EPHB1: variants seen among roughly 807,000 people sequenced by gnomAD.
EPHB1 encodes ephrin type-B receptor 1.
Under a neutral mutation model 94.4 loss-of-function variants are expected in EPHB1, and 30 were observed. The ratio of observed to expected loss-of-function variants is 0.32; its 90% CI spans 0.24 to 0.43. The LOEUF (loss-of-function observed/expected upper bound fraction) is 0.43. EPHB1 is among the 20% of genes least tolerant of loss of function. The pLI, the probability that EPHB1 is intolerant of heterozygous loss-of-function variation, is 1.00. For synonymous variants in EPHB1, 522 were observed against 489.1 expected (o/e 1.07, Z -0.89); for missense variants, 1,055 against 1,308.3 (o/e 0.81, Z 2.99).
intron 10 of EPHB1, among the ~76,000 whole-genome samples, chr3:135,180,840 C>T (rs1056421199): frequency 6.6e-6 from 1 of 152,136 alleles, no homozygotes; most frequent in Non-Finnish European, 1.5e-5. Flanking sequence ...GTTTTATTTT[C>T]TTCTGCAACA....
At chr3:135,100,522 T>C (rs1938998031) in intron 3 of EPHB1, among the ~76,000 whole-genome samples, 1 of 152,222 alleles carries the variant, frequency 6.6e-6, no homozygotes, top group Non-Finnish European at 1.5e-5. Flanking sequence ...TCTTCCTGGC[T>C]GCTTGGAAAT....
At chr3:134,865,469 G>C (rs1235833908) in intron 1 of EPHB1, among the ~76,000 whole-genome samples, 2 of 152,016 alleles carry the variant, frequency 1.3e-5, no homozygotes, top group African/African-American at 2.4e-5. Flanking sequence ...CGTTGACCCT[G>C]ATGTTTCATT....
rs1943774283 is a variant in EPHB1 at position 135,241,191 on chromosome 3, C to A, written c.2390C>A (p.Ala797Asp). 6.2e-7 allele frequency: 1 copy of A among 1,614,064 alleles called. No homozygotes were observed. The highest frequency in any genetic ancestry group is 1.7e-5 in the Admixed American group (1 of 60,008). Residue 797 changes from alanine (A) to aspartate (D), a missense_variant, in exon 13 of 16, where the codon GCC becomes GAC. By Grantham distance (126) the Ala-to-Asp change is moderately radical. Coordinates refer to ENST00000398015, the MANE Select transcript of EPHB1 (RefSeq NM_004441.5). Reference sequence around the variant, plus strand: ...AGATGGACAGCTCCAGAGGCCATCGCCTACCGCAAGTTCACTTCAGCCAGC... The same window carrying A: ...AGATGGACAGCTCCAGAGGCCATCGACTACCGCAAGTTCACTTCAGCCAGC... ...PVRWTAPEAIAYRKFTSASDV... is the reference protein window; with the variant it reads ...PVRWTAPEAIDYRKFTSASDV...
chr3:135,173,755 TG>T (rs1479964869), intron 9 of EPHB1, among the ~76,000 whole-genome samples: 1 of 152,230 alleles, frequency 6.6e-6, no homozygotes, highest in African/African-American at 2.4e-5. Flanking sequence ...CTTCTGACTC[TG>T]TCTTCAGTCC....
At chr3:135,013,173 C>T (rs914245806) in intron 3 of EPHB1, among the ~76,000 whole-genome samples, 8 of 152,172 alleles carry the variant, frequency 5.3e-5, no homozygotes, top group African/African-American at 1.9e-4. Flanking sequence ...CACAGGAATG[C>T]AGTCACTTGC....
intron 5 of EPHB1, among the ~76,000 whole-genome samples, chr3:135,148,975 T>G (rs1047951935): frequency 6.6e-6 from 1 of 152,258 alleles, no homozygotes; most frequent in Admixed American, 6.5e-5. Flanking sequence ...CCTTGGAGTC[T>G]GATGACACTC....
intron 4 of EPHB1, among the ~76,000 whole-genome samples, chr3:135,126,366 G>A (rs532187669): frequency 9.9e-5 from 15 of 152,134 alleles, no homozygotes; most frequent in Non-Finnish European, 2.1e-4. Flanking sequence ...TTCACCTAAA[G>A]AGAGAAAGAA....
chr3:135,224,777 T>C (rs537167895), intron 12 of EPHB1, among the ~76,000 whole-genome samples: 1 of 152,366 alleles, frequency 6.6e-6, no homozygotes, highest in South Asian at 2.1e-4. Flanking sequence ...ATATTTTGGA[T>C]GGTAGTTCCA....
chr3:134,849,990 C>T (rs995323864), intron 1 of EPHB1, among the ~76,000 whole-genome samples: 1 of 152,166 alleles, frequency 6.6e-6, no homozygotes, highest in Non-Finnish European at 1.5e-5. Flanking sequence ...CTGGGTCTAG[C>T]TTTGAGAGTC....
intron 3 of EPHB1, among the ~76,000 whole-genome samples, chr3:135,080,802 A>T (rs1938138102): frequency 6.6e-6 from 1 of 152,190 alleles, no homozygotes; most frequent in Non-Finnish European, 1.5e-5. Flanking sequence ...CTCATAGTCT[A>T]GTGGGAGAAT....
At chr3:135,141,222 C>G (rs1157957353) in intron 5 of EPHB1, among the ~76,000 whole-genome samples, 1 of 147,298 alleles carries the variant, frequency 6.8e-6, no homozygotes, top group East Asian at 2.1e-4. Flanking sequence ...GGGGGAACAA[C>G]AGCCCAGTCA....
intron 1 of EPHB1, among the ~76,000 whole-genome samples, chr3:134,856,870 T>G (rs548255134): frequency 6.6e-6 from 1 of 152,372 alleles, no homozygotes; most frequent in East Asian, 1.9e-4. Context: ...TGCATTATGT[T>G]TCTATTGGAC....
chr3:134,846,333 G>A (rs1322534976), intron 1 of EPHB1, among the ~76,000 whole-genome samples: 1 of 152,072 alleles, frequency 6.6e-6, no homozygotes, highest in South Asian at 2.1e-4. Flanking sequence ...CAATCTGCCG[G>A]GGCAGGGCTC....
At chr3:135,250,806 A>T (rs978164149) in intron 15 of EPHB1, among the ~76,000 whole-genome samples, 1 of 152,136 alleles carries the variant, frequency 6.6e-6, no homozygotes, top group African/African-American at 2.4e-5. Flanking sequence ...TGTAGTACAC[A>T]TTTCTTATGG....
intron 4 of EPHB1, among the ~76,000 whole-genome samples, chr3:135,112,364 A>G (rs1021173396): frequency 1.3e-5 from 2 of 152,178 alleles, no homozygotes; most frequent in Non-Finnish European, 1.5e-5. Flanking sequence ...GCTTGTCTGC[A>G]TGTCTACACA....
chr3:134,919,307 G>C (rs1578197032), intron 1 of EPHB1, among the ~76,000 whole-genome samples: 1 of 152,218 alleles, frequency 6.6e-6, no homozygotes, highest in South Asian at 2.1e-4. Flanking sequence ...AGACACATGG[G>C]AGATGGGTTG....
At chr3:134,889,286 T>C (rs2037920174) in intron 1 of EPHB1, among the ~76,000 whole-genome samples, 1 of 150,338 alleles carries the variant, frequency 6.7e-6, no homozygotes, top group Non-Finnish European at 1.5e-5. Context: ...AAGTATCTCT[T>C]TTTTTTTTAG....
chr3:134,899,815 C>T lies in EPHB1; in HGVS notation c.59-26001C>T, dbSNP rs1008141393. ...TCAGCCTCCCAAATATCTGGGACTA[C>T]AGGCACATGCTACCATGCCTGGAGG... is the stretch of plus-strand genomic sequence containing the variant. On this transcript the variant is annotated intron_variant, in intron 1 of 15. Coordinates refer to ENST00000398015, the MANE Select transcript of EPHB1 (RefSeq NM_004441.5). Among the ~76,000 whole-genome samples, 7 of 152,216 alleles carry T rather than the reference C, an allele frequency of 4.6e-5. No homozygotes were observed. The East Asian group carries it at 1.2e-3, about 25-fold the overall frequency.
rs1290143019 is a variant in EPHB1 at position 134,982,966 on chromosome 3, T to C, written c.805+30914T>C. 5.9e-5 allele frequency among the ~76,000 whole-genome samples: 9 copies of C among 152,350 alleles called. No homozygotes were observed. The East Asian group carries it at 1.7e-3, about 29-fold the overall frequency. On this transcript the variant is annotated intron_variant, in intron 3 of 15. Coordinates refer to ENST00000398015, the MANE Select transcript of EPHB1 (RefSeq NM_004441.5). ...CTGACCCTGCATGCCCAGGTCCAAT[T>C]TGTTTTCCACGATTACTCTGTCCTT...
Sources: gnomAD v4.1 joint callset for allele counts (sites outside exome capture counted in the v4.1 genomes callset) on GRCh38, gnomAD v4.1.1 for gene constraint, MANE v1.5 for transcripts, NCBI Gene and HGNC (gene_info 2026-07-23, HGNC 2026-07-21) for gene names.